Variants in RIMS2 observed in about 807,000 individuals in gnomAD.
RIMS2 encodes regulating synaptic membrane exocytosis 2, also known as regulating synaptic membrane exocytosis protein 2.
In RIMS2, 59 loss-of-function variants were observed where a neutral mutation model predicts 174.4. The ratio of observed to expected loss-of-function variants is 0.34; its 90% CI spans 0.27 to 0.42. The LOEUF is 0.42. RIMS2 is among the 10% of genes least tolerant of loss of function. The pLI is 1.00. For synonymous variants in RIMS2, 606 were observed against 572.5 expected (o/e 1.06, Z -0.84); for missense variants, 1,620 against 1,666.3 (o/e 0.97, Z 0.48).
intron 1 of RIMS2, among the ~76,000 whole-genome samples, chr8:103,591,514 T>G (rs1344708496): frequency 3.3e-5 from 5 of 151,302 alleles, no homozygotes; most frequent in Non-Finnish European, 5.9e-5. Flanking sequence ...ATATTCTGTT[T>G]CCTTCTAAAA....
intron 19 of RIMS2, among the ~76,000 whole-genome samples, chr8:104,016,888 T>A (rs1055359364): frequency 1.3e-5 from 2 of 152,028 alleles, no homozygotes; most frequent in African/African-American, 4.8e-5. Context: ...ATAAAGATTA[T>A]CTTTACTATT....
At chr8:103,999,005 A>G (rs960464040) in intron 17 of RIMS2, among the ~76,000 whole-genome samples, 4 of 151,812 alleles carry the variant, frequency 2.6e-5, no homozygotes, top group African/African-American at 7.2e-5. Flanking sequence ...AAAGTTCTCA[A>G]GGCTGTATGG....
intron 1 of RIMS2, among the ~76,000 whole-genome samples, chr8:103,585,069 G>A (rs2093832035): frequency 6.6e-6 from 1 of 152,084 alleles, no homozygotes; most frequent in African/African-American, 2.4e-5. Flanking sequence ...CTATAAAAGA[G>A]CAGGAGTCTG....
At chr8:103,761,214 A>G (rs1453670741) in intron 2 of RIMS2, among the ~76,000 whole-genome samples, 1 of 152,224 alleles carries the variant, frequency 6.6e-6, no homozygotes, top group Non-Finnish European at 1.5e-5. Context: ...ATTTGTTTTC[A>G]TGAGTTAGTG....
At chr8:103,717,843 A>G (rs2097392981) in intron 2 of RIMS2, among the ~76,000 whole-genome samples, 1 of 152,196 alleles carries the variant, frequency 6.6e-6, no homozygotes, top group Non-Finnish European at 1.5e-5. Flanking sequence ...CATCTTCACT[A>G]TCCAATTCAG....
intron 19 of RIMS2, among the ~76,000 whole-genome samples, chr8:104,074,481 T>G (rs958945628): frequency 3.9e-5 from 6 of 152,128 alleles, no homozygotes; most frequent in African/African-American, 1.4e-4. Context: ...AATATAATAA[T>G]AGACACCAGA....
chr8:104,064,753 C>T (rs1046102715), intron 19 of RIMS2, among the ~76,000 whole-genome samples: 7 of 151,952 alleles, frequency 4.6e-5, no homozygotes, highest in Non-Finnish European at 8.8e-5. Context: ...CAGATTATCA[C>T]ATTAATATAT....
At chr8:103,900,326 C>T (rs936207449) in intron 4 of RIMS2, among the ~76,000 whole-genome samples, 7 of 151,558 alleles carry the variant, frequency 4.6e-5, no homozygotes, top group African/African-American at 1.2e-4. Flanking sequence ...TGGGTTCAAG[C>T]GATTCTCCTG....
chr8:103,960,732 T>A (rs1008978864), intron 14 of RIMS2, among the ~76,000 whole-genome samples: 5 of 152,208 alleles, frequency 3.3e-5, no homozygotes, highest in Admixed American at 2.6e-4. Context: ...TTGACTTATC[T>A]ATTTTCTAAT....
At chr8:103,550,965 C>G (rs1340154987) in intron 1 of RIMS2, among the ~76,000 whole-genome samples, 2 of 152,160 alleles carry the variant, frequency 1.3e-5, no homozygotes, top group Non-Finnish European at 2.9e-5. Flanking sequence ...TAATGGCCTA[C>G]TGACCAAAAA....
At chr8:104,032,714 T>A (rs752454343) in intron 19 of RIMS2, among the ~76,000 whole-genome samples, 2 of 152,086 alleles carry the variant, frequency 1.3e-5, no homozygotes, top group Non-Finnish European at 2.9e-5. Flanking sequence ...AAAATAGTTG[T>A]GTCTGTAGTA....
At chr8:103,623,507 C>T (rs560334813) in intron 1 of RIMS2, among the ~76,000 whole-genome samples, 8,086 of 88,536 alleles carry the variant, frequency 0.091, 273 homozygotes, top group Middle Eastern at 0.19. Flanking sequence ...TTTTTTGAGA[C>T]GGAGTCTCGC....
chr8:104,225,702 C>T (rs2099183420), intron 19 of RIMS2, among the ~76,000 whole-genome samples: 1 of 152,136 alleles, frequency 6.6e-6, no homozygotes, highest in African/African-American at 2.4e-5. Flanking sequence ...CCTACATCTA[C>T]ACATGGAAAT....
At chr8:104,104,161 A>G (rs909636072) in intron 19 of RIMS2, among the ~76,000 whole-genome samples, 1 of 152,248 alleles carries the variant, frequency 6.6e-6, no homozygotes, top group Non-Finnish European at 1.5e-5. Flanking sequence ...TCTCAATCAC[A>G]TAAGAAGTAA....
At chr8:103,538,493 C>T (rs1365844710) in intron 1 of RIMS2, among the ~76,000 whole-genome samples, 1 of 141,836 alleles carries the variant, frequency 7.1e-6, no homozygotes, top group African/African-American at 2.6e-5. Flanking sequence ...TCCACTCTTC[C>T]CCCCCAAGTC....
At chr8:104,082,206 G>T (rs2097433092) in intron 19 of RIMS2, among the ~76,000 whole-genome samples, 1 of 151,870 alleles carries the variant, frequency 6.6e-6, no homozygotes, top group South Asian at 2.1e-4. Flanking sequence ...GGGATGAAGA[G>T]AGGGGAAAAA....
At chr8:103,699,468 A>G (rs1179010877) in intron 2 of RIMS2, among the ~76,000 whole-genome samples, 1 of 152,108 alleles carries the variant, frequency 6.6e-6, no homozygotes, top group Non-Finnish European at 1.5e-5. Context: ...GGCCTCAAGC[A>G]GTTCTCCCAC....
At chr8:103,732,199 C>T (rs571180531) in intron 2 of RIMS2, among the ~76,000 whole-genome samples, 12 of 152,136 alleles carry the variant, frequency 7.9e-5, no homozygotes, top group Non-Finnish European at 1.2e-4. Flanking sequence ...ACAGACTCAC[C>T]GAGGTGCTGA....
chr8:104,060,842 A>G (rs2096971560), intron 19 of RIMS2, among the ~76,000 whole-genome samples: 1 of 152,130 alleles, frequency 6.6e-6, no homozygotes, highest in Non-Finnish European at 1.5e-5. Flanking sequence ...GTAGTCATTC[A>G]GGAGCAGGTT....
Sources: gnomAD v4.1 joint callset for allele counts (sites outside exome capture counted in the v4.1 genomes callset) on GRCh38, gnomAD v4.1.1 for gene constraint, MANE v1.5 for transcripts, NCBI Gene and HGNC (gene_info 2026-07-23, HGNC 2026-07-21) for gene names.